RMND5B: variants seen among roughly 807,000 people sequenced by gnomAD.
The protein encoded by RMND5B is E3 ubiquitin-protein transferase RMND5B.
A neutral mutation model predicts 50.4 loss-of-function variants in RMND5B; 42 were observed. The ratio of observed to expected loss-of-function variants is 0.83; its 90% CI spans 0.65 to 1.08. The LOEUF (loss-of-function observed/expected upper bound fraction) is 1.08. Ranked by LOEUF, RMND5B falls within the 50% of genes least tolerant of loss-of-function variation. The pLI is 0.00. For synonymous variants in RMND5B, 220 were observed against 210.0 expected (o/e 1.05, Z -0.41); for missense variants, 463 against 508.5 (o/e 0.91, Z 0.86).
At chr5:178,132,241 G>A (rs1338700154) in intron 2 of RMND5B, among the ~76,000 whole-genome samples, 3 of 152,144 alleles carry the variant, frequency 2.0e-5, no homozygotes, top group Admixed American at 1.3e-4. Context: ...AGGAGTTCAA[G>A]ACCAGCCTGG....
rs771500493 is a variant in RMND5B at position 178,143,638 on chromosome 5, GA to G, written c.440del (p.Asn147MetfsTer11). The stretch of plus-strand genomic sequence containing the variant: ...CTCTCTCCTTGTAGGAATCAACGCT[GA>G]ATGTGGACTTGGATTTCAAGCAGCC... The part of the protein sequence containing the change: ...AEELCQESTL[N>X]VDLDFKQPFL... On this transcript the variant is annotated frameshift_variant, in exon 6 of 11. Transcript: ENST00000313386. LOFTEE classifies it high-confidence loss of function. 6.2e-7 allele frequency: 1 copy of G among 1,613,618 alleles called. No individual in the cohort carries two copies. The highest frequency in any genetic ancestry group is 1.3e-5 in the African/African-American group (1 of 75,048).
intron 7 of RMND5B, 97 bp downstream of exon 7, chr5:178,144,205 GCTGT>G (rs1755854501): frequency 7.2e-7 from 1 of 1,380,690 alleles, no homozygotes; most frequent in Non-Finnish European, 9.9e-7. Flanking sequence ...CCCATGTGGG[GCTGT>G]CTGTTACACA....
intron 3 of RMND5B, chr5:178,142,172 A>G (rs145238754): frequency 3.6e-5 from 6 of 165,858 alleles, no homozygotes; most frequent in Admixed American, 2.8e-4. Flanking sequence ...GTGTGGACAT[A>G]TGTTTTTATT....
At position 178,148,038 on chromosome 5, in the gene RMND5B, A is replaced by G; in HGVS notation, c.*6A>G. 1.2e-6 allele frequency: 2 copies of G among 1,613,166 alleles called. No individual in the cohort carries two copies. Among genetic ancestry groups the G allele is most frequent in the South Asian group, 1.1e-5 (1 of 91,014 alleles). Reference sequence around the variant, plus strand: ...GGAAACGCATCATATTCTGATTCCTACCTGGAAGGAATTTTGTTGAAAGGG... The same window carrying G: ...GGAAACGCATCATATTCTGATTCCTGCCTGGAAGGAATTTTGTTGAAAGGG... On this transcript the variant is annotated 3_prime_UTR_variant, in exon 11 of 11. Transcript: ENST00000313386.
At chr5:178,143,425 G>A (rs577180065) in intron 5 of RMND5B, among the ~76,000 whole-genome samples, 2 of 152,292 alleles carry the variant, frequency 1.3e-5, no homozygotes, top group Admixed American at 1.3e-4. Context: ...GTCTGCACTC[G>A]AGGTCAGCAT....
chr5:178,142,801 A>G (rs1484403510), intron 4 of RMND5B, 51 bp from the exon 5 acceptor site: 1 of 1,614,108 alleles, frequency 6.2e-7, no homozygotes, highest in Non-Finnish European at 8.5e-7. Context: ...CTCGAAGGAG[A>G]GCCAGCAAGA....
chr5:178,131,899 T>C (rs1758330543), intron 2 of RMND5B, among the ~76,000 whole-genome samples: 1 of 152,042 alleles, frequency 6.6e-6, no homozygotes, highest in African/African-American at 2.4e-5. Flanking sequence ...TTTGGTCACA[T>C]AGAGTCTGTA....
intron 2 of RMND5B, among the ~76,000 whole-genome samples, chr5:178,132,394 T>G (rs1043953134): frequency 2.0e-5 from 3 of 152,030 alleles, no homozygotes; most frequent in Non-Finnish European, 4.4e-5. Flanking sequence ...TGAGCCAAGA[T>G]CGTGCCACTG....
intron 2 of RMND5B, among the ~76,000 whole-genome samples, chr5:178,135,797 C>T (rs1309797378): frequency 2.0e-5 from 3 of 152,202 alleles, no homozygotes; most frequent in South Asian, 4.2e-4. Flanking sequence ...CTGACAGGGC[C>T]GGATTGTTTG....
intron 3 of RMND5B, chr5:178,141,782 ACTAT>A (rs993266425): frequency 3.2e-4 from 49 of 152,320 alleles, no homozygotes; most frequent in African/African-American, 1.2e-3. Context: ...AATCTTCACC[ACTAT>A]CTAATTTCAG....
rs536321063 is a variant in RMND5B at position 178,148,486 on chromosome 5, T to A, written c.*454T>A. 56 of 209,152 alleles carry A rather than the reference T, an allele frequency of 2.7e-4. No homozygotes were observed. The highest frequency in any genetic ancestry group is 9.7e-5 in the Non-Finnish European group (10 of 102,854). 13.0% of individuals were successfully genotyped at this position (209,152 alleles called of 1,614,324 possible). A position where few individuals can be genotyped will look rare whatever the true frequency, so the allele number is the denominator to read the frequency against. ...ACTACAGCCTCAACAGTATGTACCATCTCCCACTGTAAATAGTCCCAGTTA... is the reference window on the plus strand; with the variant it reads ...ACTACAGCCTCAACAGTATGTACCAACTCCCACTGTAAATAGTCCCAGTTA... On this transcript the variant is annotated 3_prime_UTR_variant, in exon 11 of 11. Transcript: ENST00000313386.
chr5:178,143,013 C>T lies in RMND5B; in HGVS notation c.426+21C>T, dbSNP rs35319954. On this transcript the variant is annotated intron_variant, in intron 5 of 10. Coordinates refer to ENST00000313386, the MANE Select transcript of RMND5B (RefSeq NM_022762.5). ...GCCAGGTACAGTCGGGCTGGGCGGG[C>T]GCAACAACCTGCCTGCTCTGCCTTT... The T allele has an allele frequency of 2.1e-3, 3,424 of 1,599,802 alleles. 6 individuals carry two copies. The highest frequency in any genetic ancestry group is 2.7e-3 in the Non-Finnish European group (3,122 of 1,171,580).
In RMND5B at chr5:178,131,299, AG is replaced by A. The variant is rs1241351333; in HGVS notation, c.-89del. ...ATAGGTCCCGGCCCAGCCCCCGAAG[AG>A]CCGCCTCAGCCGGGGGGAGTTGCTC... On this transcript the variant is annotated 5_prime_UTR_variant, in exon 2 of 11. Transcript: ENST00000313386. 6.6e-6 allele frequency: 1 copy of A among 152,058 alleles called. No individual in the cohort carries two copies. Among genetic ancestry groups the A allele is most frequent in the East Asian group, 1.9e-4 (1 of 5,146 alleles). The allele number at this position is 152,058 out of a possible 1,614,324, so 9.4% of individuals were successfully genotyped here.
Position 178,142,880 on chromosome 5 carries a change from T to A in RMND5B, c.314T>A (p.Val105Glu). Residue 105 changes from valine to glutamate, a missense_variant, in exon 5 of 11, where the codon GTG (valine) becomes GAG (glutamate). Val to Glu is a moderately radical substitution (Grantham distance 121). Transcript: ENST00000313386. ...RNFDSEICGV[V>E]SDAVWDAREQ... ...TTCGACTCTGAGATCTGTGGTGTTG[T>A]GTCAGATGCGGTGTGGGACGCGCGG... 1 of 1,614,220 alleles carries A rather than the reference T, an allele frequency of 6.2e-7. No individual in the cohort carries two copies. Among genetic ancestry groups the A allele is most frequent in the Non-Finnish European group, 8.5e-7 (1 of 1,180,044 alleles).
rs946655371 is a variant in RMND5B, at chr5:178,148,307, G to A, written c.*275G>A. The A allele has an allele frequency of 3.9e-6, 2 of 514,732 alleles. No individual in the cohort carries two copies. Among genetic ancestry groups the A allele is most frequent in the African/African-American group, 3.8e-5 (2 of 52,020 alleles). The allele number at this position is 514,732 out of a possible 1,614,324, so 31.9% of individuals were successfully genotyped here. A position where few individuals can be genotyped will look rare whatever the true frequency, so the allele number is the denominator to read the frequency against. ...CCTGTTTCTGTTTGCGTTTGACTTA[G>A]TAGCAACCGACAGAGTGGCAAGGGA... is the stretch of plus-strand genomic sequence containing the variant. On this transcript the variant is annotated 3_prime_UTR_variant, in exon 11 of 11. Coordinates refer to ENST00000313386, the MANE Select transcript of RMND5B (RefSeq NM_022762.5).
In RMND5B at chr5:178,149,476, A is replaced by G. The variant is rs1043363837; in HGVS notation, c.*1444A>G. 10 of 509,644 alleles carry G rather than the reference A, an allele frequency of 2.0e-5. No individual in the cohort carries two copies. Among genetic ancestry groups the G allele is most frequent in the African/African-American group, 1.6e-4 (8 of 51,388 alleles). 31.6% of individuals were successfully genotyped at this position (509,644 alleles called of 1,614,324 possible). ...AGACTCACCACATTTTAGTCTTAGC[A>G]TTTACTTTCCCCACCCCACATTCTT... On this transcript the variant is annotated 3_prime_UTR_variant, in exon 11 of 11. Transcript: ENST00000313386.
chr5:178,149,968 A>G lies in RMND5B; in HGVS notation c.*1936A>G. 2 of 1,001,272 alleles carry G rather than the reference A, an allele frequency of 2.0e-6. No homozygotes were observed. 62.0% of individuals were successfully genotyped at this position (1,001,272 alleles called of 1,614,324 possible). A position where few individuals can be genotyped will look rare whatever the true frequency, so the allele number is the denominator to read the frequency against. ...TCTGTTCGGTCCATGTTCTATTTAAAAGCATCTTGAATTGGTTGCCATCAT... is the reference window on the plus strand; with the variant it reads ...TCTGTTCGGTCCATGTTCTATTTAAGAGCATCTTGAATTGGTTGCCATCAT... On this transcript the variant is annotated 3_prime_UTR_variant, in exon 11 of 11. Transcript: ENST00000313386.
chr5:178,142,854 C>G lies in RMND5B; in HGVS notation c.288C>G (p.Asn96Lys). 6.2e-7 allele frequency: 1 copy of G among 1,614,252 alleles called. No individual in the cohort carries two copies. Among genetic ancestry groups the G allele is most frequent in the Non-Finnish European group, 8.5e-7 (1 of 1,180,052 alleles). ...CCCTGTCTCTCCTCCTTCGTCAGAACTTCGACTCTGAGATCTGTGGTGTTG... is the reference window on the plus strand; with the variant it reads ...CCCTGTCTCTCCTCCTTCGTCAGAAGTTCGACTCTGAGATCTGTGGTGTTG... ...VSRVGKAIDR[N>K]FDSEICGVVS... The change falls in exon 5 of 11, where the codon AAC (asparagine) becomes AAG (lysine). Residue 96 changes from asparagine (N) to lysine (K), a missense_variant and splice_region_variant. Physicochemically the swap from Asn to Lys is moderately conservative, Grantham distance 94. Transcript: ENST00000313386.
chr5:178,138,322 TA>T lies in RMND5B; in HGVS notation c.139+65del. The T allele has an allele frequency of 6.3e-7, 1 of 1,581,514 alleles. No homozygotes were observed. The highest frequency in any genetic ancestry group is 8.6e-7 in the Non-Finnish European group (1 of 1,163,670). ...CCTGAGGACATGGGAGACCCGAAGC[TA>T]CTGAGTGACAGGGTTCCGGAAGGAC... is the stretch of plus-strand genomic sequence containing the variant. On this transcript the variant is annotated intron_variant, in intron 3 of 10. Coordinates refer to ENST00000313386, the MANE Select transcript of RMND5B (RefSeq NM_022762.5). The surrounding 1 kb of genome is among the most constrained non-coding windows in gnomAD (Gnocchi z 5.1).
Sources: gnomAD v4.1 joint callset for allele counts (sites outside exome capture counted in the v4.1 genomes callset) on GRCh38, gnomAD v4.1.1 for gene constraint, Gnocchi (gnomAD v3.1) non-coding constraint, MANE v1.5 for transcripts, NCBI Gene and HGNC (gene_info 2026-07-23, HGNC 2026-07-21) for gene names.